RBFOX2: variants seen among roughly 807,000 people sequenced by gnomAD.
RBFOX2 encodes RNA binding fox-1 homolog 2.
In RBFOX2, 10 loss-of-function variants were observed where a neutral mutation model predicts 49.1. The observed-to-expected ratio is 0.20, with a 90% confidence interval of 0.13 to 0.35. The LOEUF (loss-of-function observed/expected upper bound fraction) is 0.35, where lower values mean the gene tolerates loss of function less well. Ranked by LOEUF, RBFOX2 falls within the 10% of genes least tolerant of loss-of-function variation. The pLI, the probability that RBFOX2 is intolerant of heterozygous loss-of-function variation, is 1.00. For synonymous variants in RBFOX2, 183 were observed against 187.4 expected (o/e 0.98, Z 0.19); for missense variants, 323 against 486.9 (o/e 0.66, Z 3.17).
At chr22:35,766,670 C>A (rs1171376196) in intron 5 of RBFOX2, among the ~76,000 whole-genome samples, 1 of 152,104 alleles carries the variant, frequency 6.6e-6, no homozygotes, top group African/African-American at 2.4e-5. Context: ...AAAACACACA[C>A]ACACAAATAA....
At chr22:35,866,708 A>C (rs1428372163) in intron 1 of RBFOX2, among the ~76,000 whole-genome samples, 1 of 150,270 alleles carries the variant, frequency 6.7e-6, no homozygotes, top group Non-Finnish European at 1.5e-5. Flanking sequence ...AGGCACTGAC[A>C]AAAAAAAGCC....
intron 1 of RBFOX2, among the ~76,000 whole-genome samples, chr22:35,975,758 C>T (rs1032159675): frequency 6.6e-6 from 1 of 151,934 alleles, no homozygotes; most frequent in Non-Finnish European, 1.5e-5. Flanking sequence ...AATGAGTTCC[C>T]ACTTGATCAC....
chr22:35,768,319 C>G (rs767778481), exon 5 of RBFOX2: 2 of 1,614,118 alleles, frequency 1.2e-6, no homozygotes, highest in Admixed American at 1.7e-5. Context: ...TCTGCATCAG[C>G]ACTATTCTCG....
At chr22:35,867,803 C>T (rs867167735) in intron 1 of RBFOX2, among the ~76,000 whole-genome samples, 1 of 152,056 alleles carries the variant, frequency 6.6e-6, no homozygotes. Context: ...AGGAAGTTCC[C>T]TTGAATCCTC....
intron 1 of RBFOX2, among the ~76,000 whole-genome samples, chr22:35,863,795 A>G (rs1033955354): frequency 2.0e-5 from 3 of 152,192 alleles, no homozygotes; most frequent in African/African-American, 4.8e-5. Flanking sequence ...TTTTAAATTA[A>G]AATTCCCTTT....
intron 1 of RBFOX2, among the ~76,000 whole-genome samples, chr22:35,834,857 T>C (rs1436597299): frequency 1.3e-5 from 2 of 152,116 alleles, no homozygotes; most frequent in East Asian, 1.9e-4. Flanking sequence ...GGAGCAACTG[T>C]AAGGTATAAG....
rs148860281 is a variant in RBFOX2 at position 35,863,319 on chromosome 22, A to C, written c.-33-53315T>G. Among the ~76,000 whole-genome samples the C allele has an allele frequency of 3.1e-3, 479 of 152,300 alleles. 4 individuals are homozygous for C. The highest frequency in any genetic ancestry group is 5.1e-3 in the Non-Finnish European group (349 of 68,020). On this transcript the variant is annotated intron_variant, in intron 1 of 13. Transcript: ENST00000359369. The stretch of plus-strand genomic sequence containing the variant: ...CTTGACCAAGAAGGGAATATCAATA[A>C]ATAAAGGAGGAGAGAAAATTGAAGT...
intron 4 of RBFOX2, among the ~76,000 whole-genome samples, chr22:35,769,817 A>G (rs1472514255): frequency 1.3e-5 from 2 of 152,176 alleles, no homozygotes; most frequent in East Asian, 3.8e-4. Context: ...CATTGTTTTG[A>G]AGGATCTGAT....
At chr22:35,970,746 G>T (rs1306108293) in intron 1 of RBFOX2, among the ~76,000 whole-genome samples, 1 of 152,112 alleles carries the variant, frequency 6.6e-6, no homozygotes, top group African/African-American at 2.4e-5. Context: ...TCAAAACAAA[G>T]CAATGCTGCT....
At chr22:36,012,779 T>G (rs1194483846) in intron 1 of RBFOX2, among the ~76,000 whole-genome samples, 1 of 152,220 alleles carries the variant, frequency 6.6e-6, no homozygotes, top group Non-Finnish European at 1.5e-5. Context: ...TTGTTTGTTT[T>G]TTTGAGACAG....
At chr22:35,744,874 T>G (rs1931867716) in intron 11 of RBFOX2, among the ~76,000 whole-genome samples, 1 of 152,234 alleles carries the variant, frequency 6.6e-6, no homozygotes, top group Admixed American at 6.5e-5. Context: ...ATCAAATGAC[T>G]TTATCTAATG....
rs145663971 is a variant in RBFOX2 at position 35,790,258 on chromosome 22, A to C, written c.253-8512T>G. ...AGGAAACATTGCTTGCTTTCAAAATAACTTTTATATTTCAAGTGAAGAAGG... is the reference window on the plus strand; with the variant it reads ...AGGAAACATTGCTTGCTTTCAAAATCACTTTTATATTTCAAGTGAAGAAGG... On this transcript the variant is annotated intron_variant, in intron 2 of 11. Coordinates refer to ENST00000405409, the Ensembl canonical transcript of RBFOX2. 2.5e-3 allele frequency among the ~76,000 whole-genome samples: 378 copies of C among 152,344 alleles called. 6 individuals carry two copies. The highest frequency in any genetic ancestry group is 8.7e-3 in the East Asian group (45 of 5,188).
intron 2 of RBFOX2, among the ~76,000 whole-genome samples, chr22:35,804,124 A>G (rs1182738876): frequency 6.6e-6 from 1 of 152,170 alleles, no homozygotes; most frequent in Non-Finnish European, 1.5e-5. Context: ...CTAAAAATAC[A>G]AAAATGAGCT....
At chr22:35,933,840 A>G (rs905840160) in intron 1 of RBFOX2, among the ~76,000 whole-genome samples, 1 of 151,058 alleles carries the variant, frequency 6.6e-6, no homozygotes, top group African/African-American at 2.4e-5. Flanking sequence ...CCAGTAGCTG[A>G]GTTGTATGCT....
chr22:35,955,754 G>T (rs2055480242), intron 1 of RBFOX2, among the ~76,000 whole-genome samples: 2 of 152,100 alleles, frequency 1.3e-5, no homozygotes, highest in South Asian at 4.1e-4. Flanking sequence ...GTGTGGCCTG[G>T]TTCCTAACAG....
intron 1 of RBFOX2, among the ~76,000 whole-genome samples, chr22:35,923,442 G>T (rs978083610): frequency 3.3e-5 from 5 of 152,014 alleles, no homozygotes; most frequent in Non-Finnish European, 7.4e-5. Context: ...GGCACAGTCA[G>T]CTCACTGAAG....
intron 1 of RBFOX2, among the ~76,000 whole-genome samples, chr22:35,834,786 T>C (rs1957358903): frequency 6.6e-6 from 1 of 152,192 alleles, no homozygotes; most frequent in Middle Eastern, 3.4e-3. Flanking sequence ...GAGATGAGAC[T>C]AGAGAGACAG....
At position 35,871,067 on chromosome 22, in the gene RBFOX2, C is replaced by G. The variant is rs191614370; in HGVS notation, c.-33-61063G>C. Reference sequence around the variant, plus strand: ...CTTGCTTCTTCATGCCAGCTGGCTCCTACTCAGCAGTATCCTGGGTTGGTA... The same window carrying G: ...CTTGCTTCTTCATGCCAGCTGGCTCGTACTCAGCAGTATCCTGGGTTGGTA... On this transcript the variant is annotated intron_variant, in intron 1 of 13. Transcript: ENST00000359369. 5.3e-5 allele frequency among the ~76,000 whole-genome samples: 8 copies of G among 152,276 alleles called. No homozygotes were observed. In the East Asian group the frequency reaches 1.5e-3, roughly 29 times the overall value.
In RBFOX2 at chr22:36,016,219, G is replaced by A. The variant is rs1265786947; in HGVS notation, c.186+12021C>T. On this transcript the variant is annotated intron_variant, in intron 1 of 13. Coordinates refer to the RBFOX2 transcript ENST00000438146. ...AAAGCTTCTTAAAAGAAAAAAAAAA[G>A]CAATTGAAAGAAATTTCTATGAGCC... 2.6e-5 allele frequency among the ~76,000 whole-genome samples: 4 copies of A among 151,872 alleles called. No individual in the cohort carries two copies. In the East Asian group the frequency reaches 7.7e-4, roughly 29 times the overall value.
Sources: gnomAD v4.1 joint callset for allele counts (sites outside exome capture counted in the v4.1 genomes callset) on GRCh38, gnomAD v4.1.1 for gene constraint, MANE v1.5 for transcripts, NCBI Gene and HGNC (gene_info 2026-07-23, HGNC 2026-07-21) for gene names.